UBE2H: variants seen among roughly 807,000 people sequenced by gnomAD.
The protein encoded by UBE2H is ubiquitin conjugating enzyme E2 H, also known as ubiquitin-conjugating enzyme E2 H.
In UBE2H, 3 loss-of-function variants were observed where a neutral mutation model predicts 29.0. The observed-to-expected ratio is 0.10, with a 90% CI of 0.05 to 0.27. The LOEUF is 0.27. Ranked by LOEUF, UBE2H falls within the 10% of genes least tolerant of loss-of-function variation. The pLI is 1.00. For missense variants in UBE2H, 68 were observed against 228.2 expected, an observed-to-expected ratio of 0.30 and a Z score of 4.52; for synonymous variants, 69 against 82.9, an observed-to-expected ratio of 0.83 and a Z score of 0.91.
chr7:129,860,477 A>G lies in UBE2H; in HGVS notation c.206-1536T>C, dbSNP rs80285503. On this transcript the variant is annotated intron_variant, in intron 3 of 6. Transcript: ENST00000355621. ...ATGTCTTGGTATTAAGAGGAGAAAA[A>G]TTAGGGTAAAAAACATTCTACATTA... is the stretch of plus-strand genomic sequence containing the variant. Among the ~76,000 whole-genome samples, 1,001 of 152,350 alleles carry G rather than the reference A, an allele frequency of 6.6e-3. 2 individuals carry two copies. The highest frequency in any genetic ancestry group is 0.011 in the Non-Finnish European group (739 of 68,032).
At chr7:129,839,042 C>T (rs748737718) in intron 6 of UBE2H, among the ~76,000 whole-genome samples, 165 bp downstream of exon 6, 11 of 152,134 alleles carry the variant, frequency 7.2e-5, no homozygotes, top group Non-Finnish European at 1.5e-4. Flanking sequence ...CAAACTGGTG[C>T]TACTGCCACC....
chr7:129,944,715 A>AACACACACACACAC (rs57825154), intron 1 of UBE2H, among the ~76,000 whole-genome samples: 62 of 144,046 alleles, frequency 4.3e-4, no homozygotes, highest in East Asian at 6.0e-4. Flanking sequence ...ATGCGCTCAA[A>AACACACACACACAC]ACACACACAC....
chr7:129,905,659 TCA>T (rs1409376084), intron 1 of UBE2H, among the ~76,000 whole-genome samples: 6 of 152,136 alleles, frequency 3.9e-5, no homozygotes, highest in African/African-American at 1.4e-4. Flanking sequence ...GAGGTGAACC[TCA>T]CAGACACAGA....
rs138724087 is a variant in UBE2H, at chr7:129,882,114, A to G, written c.54-1143T>C. Among the ~76,000 whole-genome samples, 997 of 152,304 alleles carry G rather than the reference A, an allele frequency of 6.5e-3. 7 individuals are homozygous for G. The highest frequency in any genetic ancestry group is 8.2e-3 in the Non-Finnish European group (557 of 68,028). ...TTCCTCTAAAACTTACCTACCCCTGAGATTCTTGCCCCTTTAAGGTGCTAA... is the reference window on the plus strand; with the variant it reads ...TTCCTCTAAAACTTACCTACCCCTGGGATTCTTGCCCCTTTAAGGTGCTAA... On this transcript the variant is annotated intron_variant, in intron 1 of 6. Transcript: ENST00000355621.
At chr7:129,847,418 AG>A (rs1805532337) in intron 5 of UBE2H, among the ~76,000 whole-genome samples, 1 of 152,118 alleles carries the variant, frequency 6.6e-6, no homozygotes, top group South Asian at 2.1e-4. Context: ...GAGGCTAAGG[AG>A]GGAGGATCAC....
chr7:129,934,616 C>A (rs552387599), intron 1 of UBE2H, among the ~76,000 whole-genome samples: 2 of 124,068 alleles, frequency 1.6e-5, no homozygotes, highest in Admixed American at 1.0e-4. Flanking sequence ...CCAGCCTGGG[C>A]GACAGAGCAA....
chr7:129,909,317 G>A (rs1440824690), intron 1 of UBE2H, among the ~76,000 whole-genome samples: 1 of 152,182 alleles, frequency 6.6e-6, no homozygotes, highest in Non-Finnish European at 1.5e-5. Flanking sequence ...CTAGAGAGGG[G>A]CAGGCAGGGG....
chr7:129,915,362 C>T (rs559632249), intron 1 of UBE2H, among the ~76,000 whole-genome samples: 2 of 152,098 alleles, frequency 1.3e-5, no homozygotes, highest in South Asian at 4.2e-4. Context: ...CAGTGGAACC[C>T]CGTCCACTAA....
chr7:129,929,050 G>C (rs1807332073), intron 1 of UBE2H, among the ~76,000 whole-genome samples: 1 of 152,170 alleles, frequency 6.6e-6, no homozygotes, highest in African/African-American at 2.4e-5. Flanking sequence ...CAGGCACGGT[G>C]GCTCACGCCT....
chr7:129,891,461 A>T lies in UBE2H; in HGVS notation c.54-10490T>A, dbSNP rs1806486372. ...ATTAAATGAAATACTGTATATCCAAAGGTACCAGGCCCAGCAGCTGACACA... is the reference window on the plus strand; with the variant it reads ...ATTAAATGAAATACTGTATATCCAATGGTACCAGGCCCAGCAGCTGACACA... On this transcript the variant is annotated intron_variant, in intron 1 of 6. Coordinates refer to ENST00000355621, the MANE Select transcript of UBE2H (RefSeq NM_003344.4). Among the ~76,000 whole-genome samples the T allele has an allele frequency of 1.3e-5, 2 of 152,150 alleles. 1 individual carries two copies. Among genetic ancestry groups the T allele is most frequent in the Admixed American group, 1.3e-4 (2 of 15,276 alleles).
At chr7:129,891,223 T>C (rs1806481300) in intron 1 of UBE2H, among the ~76,000 whole-genome samples, 1 of 152,024 alleles carries the variant, frequency 6.6e-6, no homozygotes, top group South Asian at 2.1e-4. Flanking sequence ...TTCACTCTTG[T>C]TGCCCAGGCT....
chr7:129,918,581 T>G (rs1252520356), intron 1 of UBE2H, among the ~76,000 whole-genome samples: 1 of 152,126 alleles, frequency 6.6e-6, no homozygotes, highest in Non-Finnish European at 1.5e-5. Context: ...CAGGCTCAAG[T>G]GCCCGGCCCC....
At chr7:129,855,147 G>A (rs1246036199) in intron 5 of UBE2H, among the ~76,000 whole-genome samples, 1 of 152,134 alleles carries the variant, frequency 6.6e-6, no homozygotes, top group African/African-American at 2.4e-5. Context: ...ACTTTAAATG[G>A]GTGATTTGCA....
Position 129,843,863 on chromosome 7 carries a change from C to T in UBE2H, c.299-4528G>A, listed in dbSNP as rs548416929. On this transcript the variant is annotated intron_variant, in intron 5 of 6. Transcript: ENST00000355621. ...GCAGCTGGATGCTATTACATAACAA[C>T]GAAAACCTTTAAAAACAAAGCATAG... Among the ~76,000 whole-genome samples the T allele has an allele frequency of 9.9e-5, 15 of 152,264 alleles. No homozygotes were observed. In the South Asian group the frequency reaches 2.3e-3, roughly 23 times the overall value.
intron 1 of UBE2H, among the ~76,000 whole-genome samples, chr7:129,912,590 T>A (rs969521016): frequency 3.3e-5 from 5 of 152,242 alleles, no homozygotes; most frequent in Non-Finnish European, 5.9e-5. Context: ...ATTCTGTACA[T>A]GAAACAAAGT....
chr7:129,873,568 G>A (rs1046733106), intron 3 of UBE2H, among the ~76,000 whole-genome samples: 1 of 150,404 alleles, frequency 6.6e-6, no homozygotes, highest in Non-Finnish European at 1.5e-5. Flanking sequence ...CCGAGTAGCT[G>A]GAACTAAAGG....
At chr7:129,841,956 ATT>A (rs953753482) in intron 5 of UBE2H, among the ~76,000 whole-genome samples, 1 of 152,172 alleles carries the variant, frequency 6.6e-6, no homozygotes, top group Non-Finnish European at 1.5e-5. Flanking sequence ...ATTGAAAACT[ATT>A]TGTTTTCAAT....
At chr7:129,951,695 TCCC>T (rs887992634) in intron 1 of UBE2H, among the ~76,000 whole-genome samples, 7 of 152,044 alleles carry the variant, frequency 4.6e-5, no homozygotes, top group African/African-American at 1.4e-4. Context: ...GGGCAAGTAT[TCCC>T]CCAAGAACCT....
chr7:129,917,687 T>C (rs371639311), intron 1 of UBE2H, among the ~76,000 whole-genome samples: 38 of 152,308 alleles, frequency 2.5e-4, no homozygotes, highest in Middle Eastern at 3.4e-3. Context: ...CAGGGAAGTA[T>C]GTAATTGTTA....
Sources: allele counts gnomAD v4.1 joint callset (sites outside exome capture counted in the v4.1 genomes callset), GRCh38; gene constraint gnomAD v4.1.1; transcripts MANE v1.5; gene names NCBI Gene and HGNC (gene_info 2026-07-23, HGNC 2026-07-21).